Variants in SEMA6A observed in about 807,000 individuals in gnomAD.
The protein encoded by SEMA6A is semaphorin 6A.
SEMA6A carries 25 observed loss-of-function variants against 96.8 expected under a neutral mutation model. The ratio of observed to expected loss-of-function variants is 0.26; its 90% CI spans 0.19 to 0.36. The LOEUF is 0.36. Ranked by LOEUF, SEMA6A falls within the 10% of genes least tolerant of loss-of-function variation. The pLI is 1.00. For synonymous variants in SEMA6A, 612 were observed against 518.0 expected, an observed-to-expected ratio of 1.18 and a Z score of -2.46; for missense variants, 1,363 against 1,323.1, an observed-to-expected ratio of 1.03 and a Z score of -0.47.
chr5:116,536,206 C>G (rs1759698713), intron 1 of SEMA6A: 1 of 152,086 alleles, frequency 6.6e-6, no homozygotes, highest in South Asian at 2.1e-4. Context: ...ATTCCCACCC[C>G]CTGTTGGAAT....
intron 1 of SEMA6A, among the ~76,000 whole-genome samples, chr5:116,529,801 G>C (rs1355940430): frequency 6.6e-6 from 1 of 152,074 alleles, no homozygotes; most frequent in Non-Finnish European, 1.5e-5. Flanking sequence ...GAGTACACAT[G>C]GACACAAAGA....
chr5:116,494,464 G>A (rs1051302983), intron 6 of SEMA6A, among the ~76,000 whole-genome samples: 1 of 152,156 alleles, frequency 6.6e-6, no homozygotes, highest in African/African-American at 2.4e-5. Context: ...TAAGGGCGGT[G>A]GTATTTGTGT....
At chr5:116,484,781 T>C (rs1474563582) in intron 10 of SEMA6A, among the ~76,000 whole-genome samples, 1 of 152,162 alleles carries the variant, frequency 6.6e-6, no homozygotes, top group Non-Finnish European at 1.5e-5. Context: ...GGGCAGATGT[T>C]GGTCAGGTGG....
chr5:116,563,003 G>GC, intron 1 of SEMA6A: 1 of 546,954 alleles, frequency 1.8e-6, no homozygotes, highest in South Asian at 1.5e-5. Flanking sequence ...CGCCGTGGTC[G>GC]CCATCTGTGA....
At chr5:116,460,969 C>T (rs192755973) in intron 18 of SEMA6A, among the ~76,000 whole-genome samples, 4 of 151,842 alleles carry the variant, frequency 2.6e-5, no homozygotes, top group Admixed American at 1.3e-4. Context: ...TCTTTACTCT[C>T]TAAAAATTAA....
At chr5:116,497,869 G>A (rs887626452) in intron 3 of SEMA6A, among the ~76,000 whole-genome samples, 1 of 152,154 alleles carries the variant, frequency 6.6e-6, no homozygotes, top group Non-Finnish European at 1.5e-5. Context: ...TCTTAACTGT[G>A]ACTATTTGAT....
At chr5:116,518,615 C>T (rs1467667741) in intron 1 of SEMA6A, among the ~76,000 whole-genome samples, 1 of 152,202 alleles carries the variant, frequency 6.6e-6, no homozygotes, top group African/African-American at 2.4e-5. Context: ...GAGACACACA[C>T]CCAGCCCTGC....
intron 18 of SEMA6A, among the ~76,000 whole-genome samples, chr5:116,451,779 G>C (rs1754652276): frequency 6.6e-6 from 1 of 152,062 alleles, no homozygotes; most frequent in African/African-American, 2.4e-5. Context: ...TCATATAAAA[G>C]AATTTTAATA....
chr5:116,502,330 G>A lies in SEMA6A; in HGVS notation c.101-3C>T, dbSNP rs2112767733. 1 of 1,613,008 alleles carries A rather than the reference G, an allele frequency of 6.2e-7. No individual in the cohort carries two copies. Among genetic ancestry groups the A allele is most frequent in the Non-Finnish European group, 8.5e-7 (1 of 1,179,070 alleles). On this transcript the variant is annotated splice_polypyrimidine_tract_variant and splice_region_variant and intron_variant, in intron 2 of 18. Transcript: ENST00000343348. Reference sequence around the variant, plus strand: ...AAACACCGGATACTGTTTTGTATCTGTGAAAAGAGGAGATGGGGCAAGAAA... The same window carrying A: ...AAACACCGGATACTGTTTTGTATCTATGAAAAGAGGAGATGGGGCAAGAAA...
At chr5:116,524,801 C>CACACACAA (rs1759145023) in intron 1 of SEMA6A, among the ~76,000 whole-genome samples, 1 of 151,362 alleles carries the variant, frequency 6.6e-6, no homozygotes, top group African/African-American at 2.4e-5. Flanking sequence ...CACACACACA[C>CACACACAA]ACACAATTTT....
chr5:116,481,782 G>A (rs1018778328), intron 11 of SEMA6A, among the ~76,000 whole-genome samples: 2 of 152,108 alleles, frequency 1.3e-5, no homozygotes, highest in Admixed American at 6.6e-5. Context: ...TAGCCTGTTT[G>A]GGAAGAGACT....
intron 10 of SEMA6A, among the ~76,000 whole-genome samples, chr5:116,484,875 G>C (rs554084707): frequency 7.6e-4 from 116 of 152,320 alleles, no homozygotes; most frequent in Non-Finnish European, 1.4e-3. Context: ...CATGGCACAG[G>C]CTGCATGGCA....
intron 1 of SEMA6A, among the ~76,000 whole-genome samples, chr5:116,535,448 T>C (rs1461622919): frequency 1.3e-5 from 2 of 152,188 alleles, no homozygotes; most frequent in Non-Finnish European, 2.9e-5. Context: ...GCAGTAAGCA[T>C]GTATGAGTAA....
At chr5:116,453,855 T>A (rs1251827173) in intron 18 of SEMA6A, among the ~76,000 whole-genome samples, 2 of 152,212 alleles carry the variant, frequency 1.3e-5, no homozygotes, top group African/African-American at 2.4e-5. Flanking sequence ...AGCTGGGAGA[T>A]GTTATCTGTC....
chr5:116,456,341 T>C (rs1755010125), intron 18 of SEMA6A, among the ~76,000 whole-genome samples: 1 of 152,200 alleles, frequency 6.6e-6, no homozygotes. Flanking sequence ...GCTTGAGACA[T>C]GCTGTCCTGA....
At chr5:116,448,448 T>C (rs993265834) in intron 18 of SEMA6A, among the ~76,000 whole-genome samples, 1 of 152,206 alleles carries the variant, frequency 6.6e-6, no homozygotes, top group African/African-American at 2.4e-5. Context: ...TCAAAAGTTA[T>C]CTTTCTTTCC....
chr5:116,520,913 C>G (rs757568478), intron 1 of SEMA6A, among the ~76,000 whole-genome samples: 16 of 152,272 alleles, frequency 1.1e-4, no homozygotes, highest in Non-Finnish European at 1.9e-4. Flanking sequence ...CCAGAAGGAT[C>G]CTGCTGTGGA....
Position 116,528,744 on chromosome 5 carries a change from AT to A in SEMA6A, c.-38-23763del, listed in dbSNP as rs1185579475. ...TCACAGATATTCTAGCCTGCAACAA[AT>A]TAGGGATCTAAACCTTTGTGCTAGG... On this transcript the variant is annotated intron_variant, in intron 1 of 18. Transcript: ENST00000343348. Among the ~76,000 whole-genome samples the A allele has an allele frequency of 1.6e-4, 25 of 152,296 alleles. 1 individual carries two copies. Among genetic ancestry groups the A allele is most frequent in the African/African-American group, 6.0e-4 (25 of 41,576 alleles).
intron 10 of SEMA6A, among the ~76,000 whole-genome samples, chr5:116,483,083 G>A (rs1756870441): frequency 6.6e-6 from 1 of 152,180 alleles, no homozygotes; most frequent in African/African-American, 2.4e-5. Context: ...CAAATTTTAT[G>A]TTAGTCTCTG....
Sources: gnomAD v4.1 joint callset for allele counts (sites outside exome capture counted in the v4.1 genomes callset) on GRCh38, gnomAD v4.1.1 for gene constraint, MANE v1.5 for transcripts, NCBI Gene and HGNC (gene_info 2026-07-23, HGNC 2026-07-21) for gene names.